The following SHANK2 variants were observed in gnomAD, a reference collection of about 807,000 sequenced individuals.
SHANK2 encodes the protein SH3 and multiple ankyrin repeat domains 2, also known as SH3 and multiple ankyrin repeat domains protein 2.
A neutral mutation model predicts 133.7 loss-of-function variants in SHANK2; 43 were observed. The ratio of observed to expected loss-of-function variants is 0.32; its 90% CI spans 0.25 to 0.41. The LOEUF is 0.41. Ranked by LOEUF, SHANK2 falls within the 10% of genes least tolerant of loss-of-function variation. The probability of loss-of-function intolerance (pLI) is 1.00; values close to 1 mark genes in which losing one functional copy is unlikely to be tolerated. For missense variants in SHANK2, 1,994 were observed against 2,235.8 expected (o/e 0.89, Z 2.18); for synonymous variants, 1,017 against 952.8 (o/e 1.07, Z -1.24).
At chr11:71,109,752 C>T (rs1334489306) in intron 6 of SHANK2, among the ~76,000 whole-genome samples, 189 bp downstream of exon 6, 3 of 152,280 alleles carry the variant, frequency 2.0e-5, no homozygotes, top group South Asian at 2.1e-4. Context: ...GCTGGGGATG[C>T]CCCATGGACA....
At chr11:70,884,491 T>G (rs1555073010) in intron 11 of SHANK2, among the ~76,000 whole-genome samples, 1 of 152,210 alleles carries the variant, frequency 6.6e-6, no homozygotes, top group African/African-American at 2.4e-5. Flanking sequence ...TTGACTATTT[T>G]GGAAGCCAGC....
At chr11:71,066,039 G>GA (rs1590879293) in intron 9 of SHANK2, among the ~76,000 whole-genome samples, 2 of 22,216 alleles carry the variant, frequency 9.0e-5, no homozygotes, top group Non-Finnish European at 2.1e-4. Flanking sequence ...GGGAAGTTGG[G>GA]GGAGGGTACA....
In SHANK2 at chr11:71,125,357, A is replaced by G. The variant is rs550279019; in HGVS notation, c.208-6325T>C. On this transcript the variant is annotated intron_variant, in intron 3 of 25. Transcript: ENST00000601538. ...GTGAATGCAAACAAAATGTTCCTGA[A>G]GGAAATTAGAAGGGCCACTCCAGTG... Among the ~76,000 whole-genome samples the G allele has an allele frequency of 2.6e-5, 4 of 152,348 alleles. No individual in the cohort carries two copies. In the South Asian group the frequency reaches 8.3e-4, roughly 32 times the overall value.
intron 15 of SHANK2, among the ~76,000 whole-genome samples, chr11:70,697,367 T>C (rs550687213): frequency 6.6e-6 from 1 of 152,184 alleles, no homozygotes; most frequent in South Asian, 2.1e-4. Context: ...TTTGAAAACA[T>C]GATGCAGCGT....
At chr11:71,106,982 C>T (rs920844942) in intron 6 of SHANK2, among the ~76,000 whole-genome samples, 20 of 146,734 alleles carry the variant, frequency 1.4e-4, no homozygotes, top group African/African-American at 4.8e-4. Flanking sequence ...TGGTGTGGTG[C>T]CACATGCCTG....
At position 70,506,708 on chromosome 11, in the gene SHANK2, C is replaced by T. The variant is rs567266852; in HGVS notation, c.2062-3777G>A. 2.1e-3 allele frequency among the ~76,000 whole-genome samples: 313 copies of T among 152,256 alleles called. 2 individuals are homozygous for T. Among genetic ancestry groups the T allele is most frequent in the African/African-American group, 6.9e-3 (287 of 41,560 alleles). On this transcript the variant is annotated intron_variant, in intron 17 of 25. Coordinates refer to ENST00000601538, the MANE Select transcript of SHANK2 (RefSeq NM_012309.5). ...TCCTGCTTCATGGAGGGATGGTATC[C>T]GGTGAGCCCTGGTCCTGGTGGGCCT...
intron 19 of SHANK2, 74 bp downstream of exon 19, chr11:70,502,132 C>A: frequency 2.7e-6 from 4 of 1,486,792 alleles, no homozygotes; most frequent in Non-Finnish European, 3.7e-6. Flanking sequence ...TCATGCACAG[C>A]CTGGTGCTTT....
chr11:70,548,689 T>C (rs145169271), intron 17 of SHANK2, among the ~76,000 whole-genome samples: 1 of 152,306 alleles, frequency 6.6e-6, no homozygotes, highest in East Asian at 1.9e-4. Context: ...TTGAAAAGTG[T>C]TACCCCCAAA....
chr11:71,247,581 C>T (rs112879974), intron 1 of SHANK2, among the ~76,000 whole-genome samples: 2 of 151,924 alleles, frequency 1.3e-5, no homozygotes, highest in Middle Eastern at 3.4e-3. Flanking sequence ...GTGCTTATGA[C>T]CTCTAATGCA....
intron 14 of SHANK2, among the ~76,000 whole-genome samples, chr11:70,747,757 G>C (rs181208635): frequency 2.6e-5 from 4 of 152,220 alleles, no homozygotes; most frequent in Non-Finnish European, 5.9e-5. Flanking sequence ...GAACAGGCAC[G>C]TGTGTGCATG....
chr11:70,493,885 C>G (rs1343591569), intron 21 of SHANK2, among the ~76,000 whole-genome samples: 2 of 152,220 alleles, frequency 1.3e-5, no homozygotes, highest in African/African-American at 4.8e-5. Flanking sequence ...GGCTATTGTG[C>G]AAGTTAGAGC....
At chr11:70,493,747 G>A (rs2058930521) in intron 21 of SHANK2, among the ~76,000 whole-genome samples, 1 of 152,170 alleles carries the variant, frequency 6.6e-6, no homozygotes, top group Admixed American at 6.5e-5. Flanking sequence ...GACAGCACTG[G>A]CCTTACTCCC....
intron 2 of SHANK2, among the ~76,000 whole-genome samples, chr11:71,205,999 C>G (rs1954119988): frequency 6.6e-6 from 1 of 152,186 alleles, no homozygotes; most frequent in South Asian, 2.1e-4. Flanking sequence ...GGCCCCATCC[C>G]CATCCAGAGA....
chr11:71,240,844 G>A (rs1954880609), intron 1 of SHANK2: 2 of 152,350 alleles, frequency 1.3e-5, no homozygotes, highest in South Asian at 2.1e-4. Context: ...GCTGAGGTGA[G>A]AGGATTGCTT....
chr11:71,116,139 G>A (rs1428449101), intron 4 of SHANK2, among the ~76,000 whole-genome samples: 4 of 152,156 alleles, frequency 2.6e-5, no homozygotes, highest in Non-Finnish European at 4.4e-5. Context: ...ACGTGCAGAC[G>A]CGGCATCACC....
At chr11:71,101,817 C>T (rs538764459) in intron 6 of SHANK2, among the ~76,000 whole-genome samples, 28 of 152,310 alleles carry the variant, frequency 1.8e-4, no homozygotes, top group African/African-American at 6.3e-4. Context: ...GAAGGGGCTC[C>T]CCGTGACACA....
In SHANK2 at chr11:71,118,932, A is replaced by G. The variant is rs1313562822; in HGVS notation, c.308T>C (p.Leu103Pro). The change falls in exon 4 of 26, where the codon CTG becomes CCG. Residue 103 changes from leucine (L) to proline (P), a missense_variant. By Grantham distance (98) the Leu-to-Pro change is moderately conservative. This residue lies in a region of SHANK2 where 653 missense variants were observed against 563.4 expected (regional missense o/e 1.16). Transcript: ENST00000601538. ...ACGCCCATTGCTGGCCGGCTGGAAC[A>G]GGCCGTAGTTCAGGACATCTTTCAA... ...QSLKDVLNYGLFQPASNGRDG... is the reference protein window; with the variant it reads ...QSLKDVLNYGPFQPASNGRDG... The G allele has an allele frequency of 6.9e-5, 107 of 1,551,640 alleles. No individual in the cohort carries two copies. Among genetic ancestry groups the G allele is most frequent in the Non-Finnish European group, 8.9e-5 (102 of 1,147,012 alleles).
chr11:71,198,675 T>C (rs782486285), intron 2 of SHANK2, among the ~76,000 whole-genome samples: 1 of 152,110 alleles, frequency 6.6e-6, no homozygotes, highest in Non-Finnish European at 1.5e-5. Flanking sequence ...CAGACTCCCT[T>C]CCACGTCAGT....
At chr11:70,955,460 T>A (rs1016775762) in intron 10 of SHANK2, among the ~76,000 whole-genome samples, 36 of 149,096 alleles carry the variant, frequency 2.4e-4, no homozygotes, top group African/African-American at 8.8e-4. Flanking sequence ...TGTGTGTGTG[T>A]GAATGTACAC....
Sources: allele counts gnomAD v4.1 joint callset (sites outside exome capture counted in the v4.1 genomes callset), GRCh38; gene constraint gnomAD v4.1.1; regional missense constraint gnomAD v4.1.1; transcripts MANE v1.5; gene names NCBI Gene and HGNC (gene_info 2026-07-23, HGNC 2026-07-21).